The following MORC1 variants were observed in gnomAD, a reference collection of about 807,000 sequenced individuals.
MORC1 encodes MORC family CW-type zinc finger 1, also known as MORC family CW-type zinc finger protein 1.
In MORC1, 59 loss-of-function variants were observed where a neutral mutation model predicts 134.9. The ratio of observed to expected loss-of-function variants is 0.44; its 90% CI spans 0.35 to 0.54. The LOEUF is 0.54. MORC1 is among the 20% of genes least tolerant of loss of function. The pLI, the probability that MORC1 is intolerant of heterozygous loss-of-function variation, is 0.00. For synonymous variants in MORC1, 395 were observed against 391.7 expected (o/e 1.01, Z -0.10); for missense variants, 947 against 1,134.5 (o/e 0.83, Z 2.37).
intron 24 of MORC1, among the ~76,000 whole-genome samples, chr3:108,977,117 T>C (rs1947585574): frequency 6.6e-6 from 1 of 152,194 alleles, no homozygotes. Context: ...GTATATGCTA[T>C]ATATGATTAA....
intron 8 of MORC1, among the ~76,000 whole-genome samples, chr3:109,082,801 C>G (rs1428573287): frequency 6.6e-6 from 1 of 151,652 alleles, no homozygotes; most frequent in African/African-American, 2.4e-5. Flanking sequence ...CTCGAAAGAC[C>G]AATCTAAGAA....
intron 9 of MORC1, among the ~76,000 whole-genome samples, chr3:109,068,448 A>C (rs1950247329): frequency 6.6e-6 from 1 of 152,342 alleles, no homozygotes; most frequent in South Asian, 2.1e-4. Context: ...ATCAGTGAGA[A>C]CATAAGATAT....
intron 24 of MORC1, among the ~76,000 whole-genome samples, chr3:108,973,376 G>A (rs1259240074): frequency 6.6e-6 from 1 of 152,114 alleles, no homozygotes; most frequent in Non-Finnish European, 1.5e-5. Context: ...GAGACCAGAA[G>A]AAGGGGTTCT....
At chr3:109,029,991 A>G (rs1207664027) in intron 16 of MORC1, among the ~76,000 whole-genome samples, 1 of 152,188 alleles carries the variant, frequency 6.6e-6, no homozygotes, top group African/African-American at 2.4e-5. Context: ...GGCCTTTTAT[A>G]AAAATGGAAT....
At chr3:108,979,788 T>G in intron 23 of MORC1, 121 bp from the exon 24 acceptor site, 1 of 977,722 alleles carries the variant, frequency 1.0e-6, no homozygotes, top group Non-Finnish European at 1.5e-6. Context: ...ATGCGTGTAA[T>G]GCCGAAAACT....
intron 24 of MORC1, among the ~76,000 whole-genome samples, chr3:108,977,606 TACTC>T (rs768451565): frequency 7.9e-5 from 12 of 152,326 alleles, no homozygotes; most frequent in South Asian, 2.1e-4. Context: ...TTTTTAATGA[TACTC>T]ACATTTATTC....
intron 26 of MORC1, among the ~76,000 whole-genome samples, chr3:108,964,791 C>T (rs548515979): frequency 6.6e-6 from 1 of 152,152 alleles, no homozygotes; most frequent in Non-Finnish European, 1.5e-5. Flanking sequence ...GACCTTGTGC[C>T]CCCAAGAAAG....
At chr3:108,984,200 G>T (rs753252141) in intron 23 of MORC1, among the ~76,000 whole-genome samples, 1 of 151,972 alleles carries the variant, frequency 6.6e-6, no homozygotes, top group Non-Finnish European at 1.5e-5. Flanking sequence ...AGCTTAGATG[G>T]GTTTGTACAG....
rs779726028 is a variant in MORC1 at position 109,118,088 on chromosome 3, G to T, written c.-29C>A. The T allele has an allele frequency of 6.9e-6, 11 of 1,596,156 alleles. No homozygotes were observed. Among genetic ancestry groups the T allele is most frequent in the Non-Finnish European group, 9.4e-6 (11 of 1,170,904 alleles). On this transcript the variant is annotated 5_prime_UTR_variant, in exon 1 of 28. Transcript: ENST00000232603. ...CTCGAACACGACCCGCGCAACTCAAGGGGACAAGGACACCTGACCGGCAGC... is the reference window on the plus strand; with the variant it reads ...CTCGAACACGACCCGCGCAACTCAATGGGACAAGGACACCTGACCGGCAGC...
chr3:109,001,190 T>C (rs1483355825), intron 20 of MORC1, among the ~76,000 whole-genome samples: 1 of 152,112 alleles, frequency 6.6e-6, no homozygotes. Flanking sequence ...TGGAGTGCAG[T>C]GGTGTGATCT....
intron 17 of MORC1, among the ~76,000 whole-genome samples, chr3:109,010,189 C>T (rs1280417627): frequency 3.9e-5 from 6 of 152,070 alleles, no homozygotes; most frequent in African/African-American, 1.4e-4. Flanking sequence ...TCATTTTCAG[C>T]TTGTGGGCCA....
Position 109,078,749 on chromosome 3 carries a change from G to A in MORC1, c.690-8992C>T, listed in dbSNP as rs573742005. Among the ~76,000 whole-genome samples the A allele has an allele frequency of 1.3e-4, 20 of 151,874 alleles. No homozygotes were observed. The East Asian group carries it at 3.5e-3, about 26-fold the overall frequency. On this transcript the variant is annotated intron_variant, in intron 8 of 27. Transcript: ENST00000232603. The stretch of plus-strand genomic sequence containing the variant: ...AATCCAAAACTGTTTTATTTTTAAA[G>A]TCAATTGAAATAAATTTCTTTGGCC...
At chr3:109,076,804 A>C (rs1249944310) in intron 8 of MORC1, among the ~76,000 whole-genome samples, 1 of 152,098 alleles carries the variant, frequency 6.6e-6, no homozygotes, top group Non-Finnish European at 1.5e-5. Context: ...AGGGAGGGGA[A>C]CATCACACAC....
At chr3:109,042,450 C>T (rs944219216) in intron 14 of MORC1, among the ~76,000 whole-genome samples, 10 of 152,038 alleles carry the variant, frequency 6.6e-5, no homozygotes, top group Non-Finnish European at 1.2e-4. Flanking sequence ...GGCAAGGATG[C>T]GGATAGAAAC....
At chr3:109,108,111 C>T (rs1182144682) in intron 3 of MORC1, among the ~76,000 whole-genome samples, 1 of 152,114 alleles carries the variant, frequency 6.6e-6, no homozygotes, top group Non-Finnish European at 1.5e-5. Flanking sequence ...ATTGCTTGAA[C>T]CTGGGAAGCG....
At chr3:108,963,351 G>A (rs1947131985) in intron 27 of MORC1, 63 bp downstream of exon 27, 1 of 1,359,592 alleles carries the variant, frequency 7.4e-7, no homozygotes, top group Admixed American at 2.1e-5. Context: ...GTTAGGAGAA[G>A]TTAGCTGAGT....
At chr3:108,980,649 G>A (rs1947691768) in intron 23 of MORC1, among the ~76,000 whole-genome samples, 1 of 152,072 alleles carries the variant, frequency 6.6e-6, no homozygotes, top group Admixed American at 6.5e-5. Context: ...GCAAGCAGTG[G>A]GCAAGTGAAC....
At chr3:108,973,682 G>A (rs1433046405) in intron 24 of MORC1, among the ~76,000 whole-genome samples, 1 of 143,574 alleles carries the variant, frequency 7.0e-6, no homozygotes, top group East Asian at 2.2e-4. Flanking sequence ...CTGCATCCTC[G>A]GCCTCCTGGG....
At position 108,996,269 on chromosome 3, in the gene MORC1, C is replaced by T. The variant is rs557981176; in HGVS notation, c.2187+4288G>A. ...ATACACATGCCTGTGCACATGTGCG[C>T]GTGCGTGCGCGCGCGCGCACACACA... On this transcript the variant is annotated intron_variant, in intron 21 of 27. Coordinates refer to ENST00000232603, the MANE Select transcript of MORC1 (RefSeq NM_014429.4). 4.0e-5 allele frequency among the ~76,000 whole-genome samples: 5 copies of T among 125,776 alleles called. No individual in the cohort carries two copies. In the South Asian group the frequency reaches 8.0e-4, roughly 20 times the overall value. The allele number at this position is 125,776 out of a possible 152,430, so 82.5% of individuals were successfully genotyped here.
Sources: gnomAD v4.1 joint callset for allele counts (sites outside exome capture counted in the v4.1 genomes callset) on GRCh38, gnomAD v4.1.1 for gene constraint, MANE v1.5 for transcripts, NCBI Gene and HGNC (gene_info 2026-07-23, HGNC 2026-07-21) for gene names.